The following VCPKMT variants were observed in gnomAD, a reference collection of about 807,000 sequenced individuals.
The protein encoded by VCPKMT is protein N-lysine methyltransferase METTL21D.
Under a neutral mutation model 28.6 loss-of-function variants are expected in VCPKMT, and 32 were observed. That is an observed-to-expected ratio of 1.12 (90% CI 0.84 to 1.50). The LOEUF is 1.50. Among genes scored for constraint, VCPKMT ranks in the 40% most tolerant of loss-of-function variants. The probability of loss-of-function intolerance (pLI) is 0.00; values close to 1 mark genes in which losing one functional copy is unlikely to be tolerated. For synonymous variants in VCPKMT, 138 were observed against 111.4 expected (o/e 1.24, Z -1.50); for missense variants, 366 against 285.0 (o/e 1.28, Z -2.05).
At chr14:50,113,799 G>GGGGT (rs1555366406) in intron 4 of VCPKMT, among the ~76,000 whole-genome samples, 2 of 84,478 alleles carry the variant, frequency 2.4e-5, no homozygotes, top group African/African-American at 8.5e-5. Context: ...GGGGGCGGGG[G>GGGGT]GGGGGGGGGG....
chr14:50,105,451 TG>T, downstream of VCPKMT, among the ~76,000 whole-genome samples: 1 of 152,062 alleles, frequency 6.6e-6, no homozygotes, highest in East Asian at 1.9e-4. Context: ...ACCAACATGG[TG>T]AAACCCCATC....
At chr14:50,114,145 G>A (rs1882927502) in intron 4 of VCPKMT, 140 bp downstream of exon 4, 3 of 740,358 alleles carry the variant, frequency 4.1e-6, no homozygotes, top group East Asian at 6.4e-5. Context: ...GTAGAATCAT[G>A]GGCTGTGAAG....
At position 50,116,332 on chromosome 14, in the gene VCPKMT, A is replaced by T; in HGVS notation, c.221T>A (p.Leu74Gln). Residue 74 changes from leucine to glutamine, a missense_variant, in exon 1 of 6, where the codon CTG (leucine) becomes CAG (glutamine). Leu to Gln is a moderately radical substitution (Grantham distance 113). Transcript: ENST00000395860. The part of the protein sequence containing the change: ...HALSRRSVLE[L>Q]GSGTGAVGLM... ...CCCCACGGCCCCGGTGCCCGAACCC[A>T]GCTCCAGCACCGACCGCCGGCTCAG... is the stretch of plus-strand genomic sequence containing the variant. 6.2e-7 allele frequency: 1 copy of T among 1,610,592 alleles called. No individual in the cohort carries two copies. The highest frequency in any genetic ancestry group is 8.5e-7 in the Non-Finnish European group (1 of 1,178,528).
At chr14:50,112,879 C>T (rs1292232158) in intron 4 of VCPKMT, among the ~76,000 whole-genome samples, 160 bp from the exon 5 acceptor site, 1 of 152,166 alleles carries the variant, frequency 6.6e-6, no homozygotes, top group Non-Finnish European at 1.5e-5. Flanking sequence ...CTCCACCTCC[C>T]TGGGTTCAAG....
downstream of VCPKMT, among the ~76,000 whole-genome samples, chr14:50,107,435 C>T (rs1023844204): frequency 1.3e-5 from 2 of 152,102 alleles, no homozygotes; most frequent in South Asian, 4.2e-4. Flanking sequence ...CTGCCTCAGC[C>T]TCCCAAGTAG....
rs1594933887 is a variant in VCPKMT at position 50,109,572 on chromosome 14, G to A, written c.*127C>T. On this transcript the variant is annotated 3_prime_UTR_variant, in exon 6 of 6. Coordinates refer to ENST00000395860, the MANE Select transcript of VCPKMT (RefSeq NM_024558.3). ...CCCTGGTGGTCATCATCTATACATCGGATCTCTAAGGACGTGCCGGAAAAA... is the reference window on the plus strand; with the variant it reads ...CCCTGGTGGTCATCATCTATACATCAGATCTCTAAGGACGTGCCGGAAAAA... The A allele has an allele frequency of 1.3e-5, 18 of 1,417,402 alleles. No individual in the cohort carries two copies. Among genetic ancestry groups the A allele is most frequent in the African/African-American group, 3.0e-5 (2 of 67,276 alleles). 87.8% of individuals were successfully genotyped at this position (1,417,402 alleles called of 1,614,324 possible).
intron 5 of VCPKMT, chr14:50,111,455 C>CATATGATT: frequency 1.0e-6 from 1 of 985,340 alleles, no homozygotes; most frequent in Non-Finnish European, 1.2e-6. Context: ...AAAACTTTAC[C>CATATGATT]ACAAACATAA....
chr14:50,109,871 TC>T (rs1450453370), intron 5 of VCPKMT, among the ~76,000 whole-genome samples, 158 bp from the exon 6 acceptor site: 1 of 152,214 alleles, frequency 6.6e-6, no homozygotes, highest in African/African-American at 2.4e-5. Context: ...TATAGATGGT[TC>T]TTTGCTGACA....
At chr14:50,103,769 T>C (rs751117924), downstream of VCPKMT, among the ~76,000 whole-genome samples, 1 of 152,216 alleles carries the variant, frequency 6.6e-6, no homozygotes, top group Non-Finnish European at 1.5e-5. Context: ...CCATCCCAGC[T>C]GCCATTCCCA....
intron 4 of VCPKMT, chr14:50,113,445 G>C (rs927334597): frequency 2.0e-5 from 3 of 152,052 alleles, no homozygotes; most frequent in Non-Finnish European, 2.9e-5. Context: ...GGCCTATATA[G>C]ATGTACCCTC....
At chr14:50,111,966 A>AT (rs1335130350) in intron 5 of VCPKMT, 22 of 985,296 alleles carry the variant, frequency 2.2e-5, no homozygotes, top group African/African-American at 3.5e-5. Context: ...GGCAACCTGC[A>AT]TAAAATGTGA....
chr14:50,114,603 AG>A (rs1392398059), intron 3 of VCPKMT, among the ~76,000 whole-genome samples, 199 bp from the exon 4 acceptor site: 1 of 152,218 alleles, frequency 6.6e-6, no homozygotes. Flanking sequence ...TGGAAGGCAG[AG>A]GTGGAAAGAT....
In VCPKMT at chr14:50,112,624, C is replaced by G. The variant is rs200646804; in HGVS notation, c.666G>C (p.Lys222Asn). ...SEDIHIIYIR[K>N]KKSKFPS is the part of the protein sequence containing the mutation. ...TGAGAATGTTATTTACCGATTTTTTCTTTCTGATGTATATAATATGAATAT... is the reference window on the plus strand; with the variant it reads ...TGAGAATGTTATTTACCGATTTTTTGTTTCTGATGTATATAATATGAATAT... The change falls in exon 5 of 6, where the codon AAG (lysine) becomes AAC (asparagine). Residue 222 changes from lysine to asparagine, a missense_variant. By Grantham distance (94) the Lys-to-Asn change is moderately conservative (BLOSUM62 0). Coordinates refer to ENST00000395860, the MANE Select transcript of VCPKMT (RefSeq NM_024558.3). 3.5e-4 allele frequency: 537 copies of G among 1,539,344 alleles called. 1 individual carries two copies. Among genetic ancestry groups the G allele is most frequent in the Middle Eastern group, 3.5e-3 (16 of 4,592 alleles).
rs993259894 is a variant in VCPKMT at position 50,111,858 on chromosome 14, C to CA, written c.675+756dup. The CA allele has an allele frequency of 5.8e-5, 55 of 953,522 alleles. No individual in the cohort carries two copies. The African/African-American group carries it at 7.6e-4, about 13-fold the overall frequency. 59.1% of individuals were successfully genotyped at this position (953,522 alleles called of 1,614,324 possible). ...AAGCCGAGATTGCACCACTGTACTC[C>CA]AGCCTGGATGACAGAGTGAGACCCT... On this transcript the variant is annotated intron_variant, in intron 5 of 5. Transcript: ENST00000395860.
In VCPKMT at chr14:50,115,841, C is replaced by A. The variant is rs760048450; in HGVS notation, c.448G>T (p.Glu150Ter). ...ILMADCIYYEESLEPLLKTLK... is the reference protein window; with the variant it reads ...ILMADCIYYE ...GACTTCGCTCACTGGATACTTACCT[C>A]TTCATAGTATATGCAGTCGGCCATC... Residue 150 changes from glutamate (E) to a stop codon, truncating the protein, a stop_gained and splice_region_variant, in exon 3 of 6, where the codon GAG becomes TAG. Coordinates refer to ENST00000395860, the MANE Select transcript of VCPKMT (RefSeq NM_024558.3). LOFTEE classifies it high-confidence loss of function. 1.2e-6 allele frequency: 2 copies of A among 1,608,466 alleles called. No individual in the cohort carries two copies. The highest frequency in any genetic ancestry group is 2.7e-5 in the African/African-American group (2 of 74,866).
Position 50,109,074 on chromosome 14 carries a change from G to C in VCPKMT, c.*625C>G, listed in dbSNP as rs1882463670. On this transcript the variant is annotated 3_prime_UTR_variant, in exon 6 of 6. Transcript: ENST00000395860. ...GCAACTCATTACAGTACAATTTACT[G>C]ATTAAATCACATAGATATGTATGGT... The C allele has an allele frequency of 1.0e-6, 1 of 982,028 alleles. No individual in the cohort carries two copies. The highest frequency in any genetic ancestry group is 4.7e-5 in the South Asian group (1 of 21,246). 60.8% of individuals were successfully genotyped at this position (982,028 alleles called of 1,614,324 possible). A position where few individuals can be genotyped will look rare whatever the true frequency, so the allele number is the denominator to read the frequency against.
chr14:50,107,518 T>C (rs999334758), downstream of VCPKMT, among the ~76,000 whole-genome samples: 2 of 152,184 alleles, frequency 1.3e-5, no homozygotes, highest in African/African-American at 4.8e-5. Flanking sequence ...TTCACCATGT[T>C]GGCCAGGCTG....
intron 4 of VCPKMT, among the ~76,000 whole-genome samples, chr14:50,113,794 C>CT (rs1356359583): frequency 0.031 from 258 of 8,324 alleles, 15 homozygotes; most frequent in African/African-American, 0.072. Context: ...TACTTGGGGG[C>CT]GGGGGGGGGG....
At chr14:50,103,598 C>T in the VCPKMT span, among the ~76,000 whole-genome samples, 45,251 of 152,046 alleles carry the variant, frequency 0.3, 6,966 homozygotes, top group Admixed American at 0.41. Flanking sequence ...CGAGGATTTG[C>T]TCTGTCCCTA....
Sources: gnomAD v4.1 joint callset for allele counts (sites outside exome capture counted in the v4.1 genomes callset) on GRCh38, gnomAD v4.1.1 for gene constraint, MANE v1.5 for transcripts, NCBI Gene and HGNC (gene_info 2026-07-23, HGNC 2026-07-21) for gene names.